Variants in SEC62 observed in about 807,000 individuals in gnomAD.
The protein encoded by SEC62 is translocation protein SEC62.
SEC62 carries 10 observed loss-of-function variants against 47.5 expected under a neutral mutation model. The observed-to-expected ratio is 0.21, with a 90% CI of 0.13 to 0.36. The LOEUF (loss-of-function observed/expected upper bound fraction) is 0.36. SEC62 is among the 10% of genes least tolerant of loss of function. The pLI, the probability that SEC62 is intolerant of heterozygous loss-of-function variation, is 1.00. For missense variants in SEC62, 327 were observed against 464.1 expected, an observed-to-expected ratio of 0.70 and a Z score of 2.71; for synonymous variants, 136 against 150.5, an observed-to-expected ratio of 0.90 and a Z score of 0.71.
chr3:169,990,571 T>C (rs1276048799), intron 7 of SEC62, among the ~76,000 whole-genome samples: 1 of 152,202 alleles, frequency 6.6e-6, no homozygotes, highest in Non-Finnish European at 1.5e-5. Context: ...TATTGCTTTT[T>C]CTTTGGTTTG....
chr3:169,981,336 C>A (rs1242010589), intron 3 of SEC62, among the ~76,000 whole-genome samples: 3 of 152,108 alleles, frequency 2.0e-5, no homozygotes. Context: ...AGATGGAAGC[C>A]CAGCCAGGCA....
chr3:169,980,063 C>G (rs1576859555), intron 3 of SEC62, among the ~76,000 whole-genome samples: 1 of 152,090 alleles, frequency 6.6e-6, no homozygotes, highest in East Asian at 1.9e-4. Context: ...ACTTACTCAA[C>G]AAATAGTCTA....
In SEC62 at chr3:169,992,286, C is replaced by T. The variant is rs887036165; in HGVS notation, c.731-308C>T. On this transcript the variant is annotated intron_variant, in intron 7 of 7. Coordinates refer to ENST00000337002, the MANE Select transcript of SEC62 (RefSeq NM_003262.4). The surrounding 1 kb of genome is among the most constrained non-coding windows in gnomAD (Gnocchi z 4.0). ...TTGCATTGTGACCTCAAGTTCAGAG[C>T]AACATTCTGTGCCCCTAGAATACCG... is the stretch of plus-strand genomic sequence containing the variant. Among the ~76,000 whole-genome samples the T allele has an allele frequency of 1.3e-5, 2 of 152,114 alleles. No homozygotes were observed. Among genetic ancestry groups the T allele is most frequent in the African/African-American group, 4.8e-5 (2 of 41,416 alleles).
At chr3:169,979,970 T>C (rs1714932075) in intron 3 of SEC62, among the ~76,000 whole-genome samples, 1 of 152,084 alleles carries the variant, frequency 6.6e-6, no homozygotes, top group Non-Finnish European at 1.5e-5. Flanking sequence ...AATAAATGTT[T>C]GTTAAATCTG....
intron 1 of SEC62, among the ~76,000 whole-genome samples, chr3:169,972,809 A>T (rs1483446064): frequency 6.6e-6 from 1 of 152,162 alleles, no homozygotes; most frequent in Non-Finnish European, 1.5e-5. Context: ...TATGTAACAG[A>T]GTGTACATAT....
At chr3:169,990,033 TATA>T (rs1246395729) in intron 7 of SEC62, among the ~76,000 whole-genome samples, 1 of 147,934 alleles carries the variant, frequency 6.8e-6, no homozygotes, top group African/African-American at 2.5e-5. Context: ...ATATATATCA[TATA>T]ATATATATCA....
At chr3:169,972,514 C>T (rs1714722107) in intron 1 of SEC62, among the ~76,000 whole-genome samples, 1 of 151,632 alleles carries the variant, frequency 6.6e-6, no homozygotes, top group South Asian at 2.1e-4. Flanking sequence ...TACCAGGGCT[C>T]AGGTGGTCTT....
At chr3:169,971,615 G>T (rs1439013048) in intron 1 of SEC62, among the ~76,000 whole-genome samples, 1 of 152,172 alleles carries the variant, frequency 6.6e-6, no homozygotes, top group Non-Finnish European at 1.5e-5. Context: ...CTTTACAAAG[G>T]ACAGGGTGCA....
chr3:169,977,002 G>C lies in SEC62; in HGVS notation c.202G>C (p.Glu68Gln). Residue 68 changes from glutamate (E) to glutamine (Q), a missense_variant, in exon 3 of 8, where the codon GAG becomes CAG. Physicochemically the swap from Glu to Gln is conservative, Grantham distance 29. Transcript: ENST00000337002. ...DSKWAKAKKG[E>Q]EALFTTRESV... ...AAAGTGGGCAAAGGCCAAGAAAGGA[G>C]AGGAAGCTTTATTTACAACCAGGGA... The C allele has an allele frequency of 2.5e-6, 4 of 1,611,680 alleles. No individual in the cohort carries two copies. The South Asian group carries it at 4.4e-5, about 18-fold the overall frequency.
At chr3:169,985,439 A>G (rs1715081255) in intron 5 of SEC62, 1 of 156,120 alleles carries the variant, frequency 6.4e-6, no homozygotes, top group Non-Finnish European at 1.4e-5. Context: ...GCAGGGTTTC[A>G]CCATGTTGGC....
chr3:169,995,433 C>T lies in SEC62; in HGVS notation c.*2370C>T, dbSNP rs1396234408. 1.3e-5 allele frequency: 2 copies of T among 151,998 alleles called. No individual in the cohort carries two copies. Among genetic ancestry groups the T allele is most frequent in the Non-Finnish European group, 2.9e-5 (2 of 67,986 alleles). The allele number at this position is 151,998 out of a possible 1,614,324, so 9.4% of individuals were successfully genotyped here. A position where few individuals can be genotyped will look rare whatever the true frequency, so the allele number is the denominator to read the frequency against. ...ATTTTTCAATTTTCAAACCATATGG[C>T]CTAGGTAACTTTAATTGAAATAATA... On this transcript the variant is annotated 3_prime_UTR_variant, in exon 8 of 8. Transcript: ENST00000337002.
chr3:169,980,533 G>A (rs760507450), intron 3 of SEC62, among the ~76,000 whole-genome samples: 3 of 152,136 alleles, frequency 2.0e-5, no homozygotes, highest in Non-Finnish European at 4.4e-5. Context: ...GTGGGGGTGG[G>A]CAGCTGTGCA....
At chr3:169,970,534 A>G (rs927710452) in intron 1 of SEC62, among the ~76,000 whole-genome samples, 2 of 152,194 alleles carry the variant, frequency 1.3e-5, no homozygotes, top group Non-Finnish European at 2.9e-5. Flanking sequence ...GTCAAACTCT[A>G]TCTTATTATA....
At chr3:169,988,150 G>GT (rs1715152057) in intron 6 of SEC62, 90 bp from the exon 7 acceptor site, 8 of 1,456,648 alleles carry the variant, frequency 5.5e-6, no homozygotes, top group South Asian at 1.2e-5. Flanking sequence ...ATGTTTCTCA[G>GT]TTTTTCCCCC....
At chr3:169,969,014 A>G (rs891959674) in intron 1 of SEC62, among the ~76,000 whole-genome samples, 1 of 152,224 alleles carries the variant, frequency 6.6e-6, no homozygotes, top group Non-Finnish European at 1.5e-5. Flanking sequence ...AGAAACTATA[A>G]TACATCACTT....
intron 7 of SEC62, among the ~76,000 whole-genome samples, chr3:169,988,980 T>A (rs952203637): frequency 2.0e-5 from 3 of 152,174 alleles, no homozygotes; most frequent in Admixed American, 6.6e-5. Context: ...GAAAAATCAA[T>A]AATTTTCACC....
At chr3:169,976,539 C>T (rs1368450684) in intron 2 of SEC62, among the ~76,000 whole-genome samples, 2 of 152,158 alleles carry the variant, frequency 1.3e-5, no homozygotes, top group African/African-American at 4.8e-5. Context: ...GGATTGTTGA[C>T]AGAGCTTCTT....
chr3:169,976,853 C>A (rs1714849937), intron 2 of SEC62, 93 bp from the exon 3 acceptor site: 2 of 779,090 alleles, frequency 2.6e-6, no homozygotes, highest in Non-Finnish European at 3.8e-6. Context: ...TTTTTTGTTG[C>A]CAGAGTGTTG....
intron 2 of SEC62, 72 bp from the exon 3 acceptor site, chr3:169,976,874 T>A: frequency 9.8e-7 from 1 of 1,018,986 alleles, no homozygotes; most frequent in Non-Finnish European, 1.4e-6. Flanking sequence ...AAATTTTACT[T>A]TATAAAATAT....
Sources: gnomAD v4.1 joint callset for allele counts (sites outside exome capture counted in the v4.1 genomes callset) on GRCh38, gnomAD v4.1.1 for gene constraint, Gnocchi (gnomAD v3.1) non-coding constraint, MANE v1.5 for transcripts, NCBI Gene and HGNC (gene_info 2026-07-23, HGNC 2026-07-21) for gene names.